Variants in CNTN4 observed in about 807,000 individuals in gnomAD.
The protein encoded by CNTN4 is contactin 4, also known as contactin-4.
Under a neutral mutation model 122.5 loss-of-function variants are expected in CNTN4, and 77 were observed. The observed-to-expected ratio is 0.63, with a 90% CI of 0.52 to 0.76. The LOEUF (loss-of-function observed/expected upper bound fraction) is 0.76, where lower values mean the gene tolerates loss of function less well. Ranked by LOEUF, CNTN4 falls within the 30% of genes least tolerant of loss-of-function variation. The pLI, the probability that CNTN4 is intolerant of heterozygous loss-of-function variation, is 0.00. For synonymous variants in CNTN4, 512 were observed against 447.0 expected (o/e 1.15, Z -1.83); for missense variants, 1,256 against 1,259.1 (o/e 1.00, Z 0.04).
At chr3:2,412,851 T>C (rs1227806500) in intron 3 of CNTN4, among the ~76,000 whole-genome samples, 1 of 152,172 alleles carries the variant, frequency 6.6e-6, no homozygotes, top group Non-Finnish European at 1.5e-5. Flanking sequence ...ATTGTGTGAG[T>C]TGAGGCAATT....
chr3:2,634,718 T>G (rs1266445777), intron 4 of CNTN4, among the ~76,000 whole-genome samples: 4 of 150,578 alleles, frequency 2.7e-5, no homozygotes, highest in Non-Finnish European at 4.4e-5. Flanking sequence ...TAGCTGGGCG[T>G]GGTGGCATGC....
chr3:2,664,519 T>A (rs2084054587), intron 4 of CNTN4, among the ~76,000 whole-genome samples: 1 of 152,178 alleles, frequency 6.6e-6, no homozygotes, highest in African/African-American at 2.4e-5. Context: ...ATATCAAAAT[T>A]ATCTTGAAGA....
chr3:2,629,156 G>A (rs2082318878), intron 4 of CNTN4, among the ~76,000 whole-genome samples: 1 of 152,114 alleles, frequency 6.6e-6, no homozygotes, highest in Non-Finnish European at 1.5e-5. Flanking sequence ...CAATCCAACA[G>A]GATTGCCGTC....
At chr3:2,584,221 T>C (rs1415970625) in intron 4 of CNTN4, among the ~76,000 whole-genome samples, 3 of 152,186 alleles carry the variant, frequency 2.0e-5, no homozygotes, top group African/African-American at 7.2e-5. Context: ...CCATCTACTT[T>C]ACCTTCAATG....
chr3:2,126,213 T>C (rs1014854155), intron 2 of CNTN4, among the ~76,000 whole-genome samples: 1 of 152,098 alleles, frequency 6.6e-6, no homozygotes, highest in Non-Finnish European at 1.5e-5. Context: ...AGCTCTTATG[T>C]GATAGGATGG....
chr3:2,895,182 G>T (rs143257675), intron 10 of CNTN4, among the ~76,000 whole-genome samples: 6 of 152,078 alleles, frequency 3.9e-5, no homozygotes, highest in Admixed American at 3.9e-4. Context: ...CACCATGTTG[G>T]CCAGGCTGGT....
At chr3:2,874,248 G>A (rs111527016) in intron 8 of CNTN4, among the ~76,000 whole-genome samples, 2,681 of 152,252 alleles carry the variant, frequency 0.018, 87 homozygotes, top group African/African-American at 0.061. Flanking sequence ...TCTGTTAAGT[G>A]CTCGTTGTGT....
intron 3 of CNTN4, among the ~76,000 whole-genome samples, chr3:2,486,534 A>G (rs1348451499): frequency 1.3e-5 from 2 of 152,220 alleles, no homozygotes; most frequent in Admixed American, 1.3e-4. Flanking sequence ...TTCTTATAGA[A>G]AAATATAATA....
At chr3:2,286,004 G>A (rs530753024) in intron 2 of CNTN4, among the ~76,000 whole-genome samples, 1 of 151,972 alleles carries the variant, frequency 6.6e-6, no homozygotes, top group African/African-American at 2.4e-5. Context: ...GATGCTTTAC[G>A]GCATTAATAC....
At chr3:2,216,497 C>T (rs564270818) in intron 2 of CNTN4, among the ~76,000 whole-genome samples, 2 of 152,066 alleles carry the variant, frequency 1.3e-5, no homozygotes, top group East Asian at 3.9e-4. Flanking sequence ...ATGAGTTTAC[C>T]TATGTAACAA....
At chr3:2,503,328 C>A (rs2076646044) in intron 3 of CNTN4, among the ~76,000 whole-genome samples, 2 of 152,104 alleles carry the variant, frequency 1.3e-5, no homozygotes, top group East Asian at 3.8e-4. Flanking sequence ...GTTGTAGAAT[C>A]TAGAAAGGAG....
intron 3 of CNTN4, among the ~76,000 whole-genome samples, chr3:2,432,467 T>A (rs2048108587): frequency 6.6e-6 from 1 of 152,190 alleles, no homozygotes; most frequent in Admixed American, 6.5e-5. Flanking sequence ...TTTAGTTGTT[T>A]TTTTCAGTGA....
At chr3:2,523,444 A>T (rs1483366792) in intron 3 of CNTN4, among the ~76,000 whole-genome samples, 1 of 151,938 alleles carries the variant, frequency 6.6e-6, no homozygotes, top group Non-Finnish European at 1.5e-5. Flanking sequence ...AGTTTTTCAG[A>T]ATCCATCAAG....
At chr3:2,307,279 CA>C (rs1487111004) in intron 2 of CNTN4, among the ~76,000 whole-genome samples, 1 of 152,026 alleles carries the variant, frequency 6.6e-6, no homozygotes, top group Non-Finnish European at 1.5e-5. Flanking sequence ...ACTAAAAATA[CA>C]AAAATGTAGC....
chr3:2,517,960 GAGA>G (rs2077086112), intron 3 of CNTN4, among the ~76,000 whole-genome samples: 1 of 152,144 alleles, frequency 6.6e-6, no homozygotes. Context: ...TGTGCTTAGA[GAGA>G]AGAATAGCAA....
intron 3 of CNTN4, among the ~76,000 whole-genome samples, chr3:2,484,589 T>A (rs974058782): frequency 6.6e-6 from 1 of 152,188 alleles, no homozygotes; most frequent in South Asian, 2.1e-4. Flanking sequence ...ACAGGACCAA[T>A]GTGACTCTTG....
At chr3:2,279,777 A>G (rs1329085095) in intron 2 of CNTN4, among the ~76,000 whole-genome samples, 1 of 151,652 alleles carries the variant, frequency 6.6e-6, no homozygotes, top group African/African-American at 2.4e-5. Flanking sequence ...ATATCTACAT[A>G]TATCTATATA....
At chr3:2,723,575 G>A (rs2088004184) in intron 4 of CNTN4, among the ~76,000 whole-genome samples, 1 of 152,154 alleles carries the variant, frequency 6.6e-6, no homozygotes, top group Non-Finnish European at 1.5e-5. Flanking sequence ...GGGACAAAAA[G>A]GCAAGAGGGT....
chr3:2,921,874 G>C (rs959094196), intron 12 of CNTN4, among the ~76,000 whole-genome samples: 9 of 152,040 alleles, frequency 5.9e-5, no homozygotes, highest in African/African-American at 1.9e-4. Context: ...CTTGATATAT[G>C]ACCAAAATTC....
Sources: allele counts gnomAD v4.1 joint callset (sites outside exome capture counted in the v4.1 genomes callset), GRCh38; gene constraint gnomAD v4.1.1; transcripts MANE v1.5; gene names NCBI Gene and HGNC (gene_info 2026-07-23, HGNC 2026-07-21).